The following PCBP2 variants were observed in gnomAD, a reference collection of about 807,000 sequenced individuals.
PCBP2 encodes the protein poly(rC)-binding protein 2.
In PCBP2, 4 loss-of-function variants were observed where a neutral mutation model predicts 50.1. That is an observed-to-expected ratio of 0.08 (90% confidence interval 0.04 to 0.18). The LOEUF is 0.18. PCBP2 is among the 10% of genes least tolerant of loss of function. The pLI is 1.00. For missense variants in PCBP2, 161 were observed against 474.3 expected, an observed-to-expected ratio of 0.34 and a Z score of 6.14; for synonymous variants, 179 against 168.0, an observed-to-expected ratio of 1.07 and a Z score of -0.51.
At chr12:53,461,284 A>C in intron 7 of PCBP2, 141 bp downstream of exon 7, 1 of 869,164 alleles carries the variant, frequency 1.2e-6, no homozygotes, top group South Asian at 1.7e-5. Context: ...CCCTGAGTTC[A>C]TATTTTCCTT....
intron 13 of PCBP2, 121 bp from the exon 14 acceptor site, chr12:53,471,517 A>G (rs1942232528): frequency 3.3e-6 from 3 of 901,698 alleles, no homozygotes; most frequent in African/African-American, 1.9e-5. Context: ...CAGTGAGCCA[A>G]GATCAGGCCA....
intron 5 of PCBP2, among the ~76,000 whole-genome samples, chr12:53,457,950 C>CAA (rs1206622378): frequency 6.6e-6 from 1 of 152,090 alleles, no homozygotes; most frequent in Non-Finnish European, 1.5e-5. Context: ...TGTTTTGAGA[C>CAA]GGAGTTTCCT....
intron 14 of PCBP2, among the ~76,000 whole-genome samples, chr12:53,474,562 T>TTCAACATCTGGG (rs1450667142): frequency 6.6e-6 from 1 of 152,244 alleles, no homozygotes; most frequent in Non-Finnish European, 1.5e-5. Context: ...AAATCATTCC[T>TTCAACATCTGGG]TCAACATCTG....
At chr12:53,467,565 T>C (rs1164144620) in intron 11 of PCBP2, 12 of 613,866 alleles carry the variant, frequency 2.0e-5, no homozygotes, top group South Asian at 1.2e-4. Flanking sequence ...TAGGCTGATA[T>C]TTCTTTGAGC....
At chr12:53,467,656 T>A (rs962262656) in intron 11 of PCBP2, 149 bp from the exon 12 acceptor site, 2 of 713,356 alleles carry the variant, frequency 2.8e-6, no homozygotes, top group African/African-American at 3.5e-5. Flanking sequence ...GTAGAGACCA[T>A]CCATTTGTGC....
chr12:53,457,536 G>A (rs2137028822), intron 5 of PCBP2, among the ~76,000 whole-genome samples: 1 of 152,022 alleles, frequency 6.6e-6, no homozygotes, highest in Non-Finnish European at 1.5e-5. Flanking sequence ...TGTAGAGACT[G>A]AGTCTTCCTG....
In PCBP2 at chr12:53,479,672, T is replaced by TTTTTTTTTTTTTTG; in HGVS notation, c.*241_*242insTTGTTTTTTTTTTT. On this transcript the variant is annotated 3_prime_UTR_variant, in exon 15 of 15. Coordinates refer to ENST00000546463, the MANE Select transcript of PCBP2 (RefSeq NM_031989.5). ...TTTAGTTTTATAAGCTTCTCCCTGGTTTTTTTTTTTTGGCTCATGAATTTT... is the reference window on the plus strand; with the variant it reads ...TTTAGTTTTATAAGCTTCTCCCTGGTTTTTTTTTTTTTTGTTTTTTTTTTTGGCTCATGAATTTT... The TTTTTTTTTTTTTTG allele has an allele frequency of 7.0e-6, 2 of 286,806 alleles. No individual in the cohort carries two copies. The allele number at this position is 286,806 out of a possible 1,614,324, so 17.8% of individuals were successfully genotyped here.
intron 1 of PCBP2, 60 bp downstream of exon 1, chr12:53,452,436 C>T (rs1262005016): frequency 1.3e-5 from 2 of 150,330 alleles, no homozygotes; most frequent in Admixed American, 6.6e-5. Flanking sequence ...CTTTTGTCTT[C>T]TTCTTAGCCG....
At chr12:53,456,959 T>C (rs906420203) in intron 5 of PCBP2, among the ~76,000 whole-genome samples, 1 of 152,240 alleles carries the variant, frequency 6.6e-6, no homozygotes, top group Non-Finnish European at 1.5e-5. Flanking sequence ...CCCCCGGGAT[T>C]CTGGAAGTCC....
intron 1 of PCBP2, 99 bp downstream of exon 1, chr12:53,452,475 TCGCGTAGTCC>T (rs1394917128): frequency 1.3e-5 from 2 of 151,226 alleles, no homozygotes; most frequent in African/African-American, 4.9e-5. Flanking sequence ...AGCCGCGGTC[TCGCGTAGTCC>T]CGCGTGAGCG....
chr12:53,453,063 A>C (rs922009797), intron 1 of PCBP2: 2 of 152,170 alleles, frequency 1.3e-5, no homozygotes, highest in African/African-American at 4.8e-5. Flanking sequence ...CAGTGTTAGC[A>C]GCTGGATTGC....
At chr12:53,477,262 C>T (rs544066755) in intron 14 of PCBP2, among the ~76,000 whole-genome samples, 3 of 152,232 alleles carry the variant, frequency 2.0e-5, no homozygotes, top group Non-Finnish European at 4.4e-5. Context: ...CTAGCAGTTC[C>T]TTTCTTAGAC....
chr12:53,456,389 C>T (rs1455134627), intron 5 of PCBP2, among the ~76,000 whole-genome samples: 1 of 149,278 alleles, frequency 6.7e-6, no homozygotes, highest in Non-Finnish European at 1.5e-5. Context: ...ACCCGGGAGG[C>T]GGAGGTTGTG....
At chr12:53,468,050 T>A in intron 12 of PCBP2, 1 of 580,928 alleles carries the variant, frequency 1.7e-6, no homozygotes, top group Non-Finnish European at 3.1e-6. Flanking sequence ...ACAGCAGCCA[T>A]AGCTGAGATC....
In PCBP2 at chr12:53,479,675, T is replaced by TTTTTTTTTTTTTGTTTTG; in HGVS notation, c.*241_*242insTTTTGTTTTGTTTTTTTT. ...AGTTTTATAAGCTTCTCCCTGGTTTTTTTTTTTTGGCTCATGAATTTTTCT... is the reference window on the plus strand; with the variant it reads ...AGTTTTATAAGCTTCTCCCTGGTTTTTTTTTTTTTTTTGTTTTGTTTTTTTTGGCTCATGAATTTTTCT... On this transcript the variant is annotated 3_prime_UTR_variant, in exon 15 of 15. Coordinates refer to ENST00000546463, the MANE Select transcript of PCBP2 (RefSeq NM_031989.5). 2.6e-5 allele frequency: 10 copies of TTTTTTTTTTTTTGTTTTG among 386,446 alleles called. No individual in the cohort carries two copies. Among genetic ancestry groups the TTTTTTTTTTTTTGTTTTG allele is most frequent in the Middle Eastern group, 6.8e-4 (1 of 1,464 alleles). 23.9% of individuals were successfully genotyped at this position (386,446 alleles called of 1,614,324 possible). A position where few individuals can be genotyped will look rare whatever the true frequency, so the allele number is the denominator to read the frequency against.
intron 13 of PCBP2, among the ~76,000 whole-genome samples, chr12:53,470,756 GTTTT>G (rs11377192): frequency 1.1e-4 from 15 of 138,298 alleles, no homozygotes; most frequent in Non-Finnish European, 2.2e-4. Flanking sequence ...ATGTTAACCA[GTTTT>G]TTTTTTTTTT....
At chr12:53,464,540 T>C (rs1299408421) in intron 8 of PCBP2, 8 of 531,114 alleles carry the variant, frequency 1.5e-5, no homozygotes, top group Non-Finnish European at 2.6e-5. Flanking sequence ...GCCCCACCCC[T>C]TCATTCTTAT....
intron 5 of PCBP2, among the ~76,000 whole-genome samples, chr12:53,458,769 G>T (rs1393041333): frequency 6.6e-6 from 1 of 151,620 alleles, no homozygotes; most frequent in Non-Finnish European, 1.5e-5. Context: ...ATCCTGAGTA[G>T]CTGGGATTAC....
At position 53,452,382 on chromosome 12, in the gene PCBP2, C is replaced by T. The variant is rs1189492034; in HGVS notation, c.-76+6C>T. 1 of 146,274 alleles carries T rather than the reference C, an allele frequency of 6.8e-6. No individual in the cohort carries two copies. Among genetic ancestry groups the T allele is most frequent in the African/African-American group, 2.5e-5 (1 of 39,576 alleles). 9.1% of individuals were successfully genotyped at this position (146,274 alleles called of 1,614,324 possible). A position where few individuals can be genotyped will look rare whatever the true frequency, so the allele number is the denominator to read the frequency against. Reference sequence around the variant, plus strand: ...CAGTCGCCTCGCGCCTGCAGGTAAGCCTAAAAATTTCCCTTGCGCCCCCGG... The same window carrying T: ...CAGTCGCCTCGCGCCTGCAGGTAAGTCTAAAAATTTCCCTTGCGCCCCCGG... On this transcript the variant is annotated splice_donor_region_variant and intron_variant, in intron 1 of 14. Transcript: ENST00000546463.
Sources: allele counts gnomAD v4.1 joint callset (sites outside exome capture counted in the v4.1 genomes callset), GRCh38; gene constraint gnomAD v4.1.1; transcripts MANE v1.5; gene names NCBI Gene and HGNC (gene_info 2026-07-23, HGNC 2026-07-21).